WDR59: variants seen among roughly 807,000 people sequenced by gnomAD.
WDR59 encodes the protein WD repeat domain 59.
A neutral mutation model predicts 131.2 loss-of-function variants in WDR59; 100 were observed. That is an observed-to-expected ratio of 0.76 (90% CI 0.65 to 0.90). The LOEUF (loss-of-function observed/expected upper bound fraction) is 0.90, where lower values mean the gene tolerates loss of function less well. Among genes scored for constraint, WDR59 ranks in the 40% least tolerant of loss-of-function variants. WDR59 has a pLI of 0.00. For synonymous variants in WDR59, 601 were observed against 466.2 expected, an observed-to-expected ratio of 1.29 and a Z score of -3.72; for missense variants, 1,203 against 1,262.2, an observed-to-expected ratio of 0.95 and a Z score of 0.71.
intron 1 of WDR59, among the ~76,000 whole-genome samples, chr16:74,974,434 T>G (rs961309732): frequency 3.9e-5 from 6 of 152,134 alleles, no homozygotes; most frequent in African/African-American, 1.4e-4. Context: ...TACCGACCAC[T>G]ACGCTAGGTG....
intron 25 of WDR59, among the ~76,000 whole-genome samples, chr16:74,884,855 C>G (rs111288986): frequency 0.015 from 2,295 of 152,320 alleles, 42 homozygotes; most frequent in African/African-American, 0.05. Flanking sequence ...GATGGCTCCA[C>G]GGTTCCTTTA....
chr16:74,909,587 A>C lies in WDR59; in HGVS notation c.1556T>G (p.Phe519Cys). ...CCCGTAAGCCGTGGTCACCCGCGCA[A>C]ACGTCGGTAAGGGGGGAGTGACAGA... Reference protein sequence around the residue: ...PNSVTPPLPTFARVTTAYGSY... With the variant: ...PNSVTPPLPTCARVTTAYGSY... The change falls in exon 16 of 26, where the codon TTT becomes TGT. Residue 519 changes from phenylalanine (F) to cysteine (C), a missense_variant. Transcript: ENST00000262144. 6.2e-7 allele frequency: 1 copy of C among 1,610,574 alleles called. No individual in the cohort carries two copies. Among genetic ancestry groups the C allele is most frequent in the Non-Finnish European group, 8.5e-7 (1 of 1,178,724 alleles).
chr16:74,882,796 C>T (rs1403831119), intron 25 of WDR59, among the ~76,000 whole-genome samples: 1 of 80,516 alleles, frequency 1.2e-5, no homozygotes, highest in Non-Finnish European at 2.1e-5. Flanking sequence ...GGCGACAGAG[C>T]AACACTGTCT....
intron 5 of WDR59, among the ~76,000 whole-genome samples, chr16:74,949,304 C>G (rs1436469572): frequency 4.1e-5 from 5 of 122,628 alleles, no homozygotes; most frequent in African/African-American, 1.6e-4. Context: ...TCACTGCAGA[C>G]TGGGTGACAG....
chr16:74,970,495 CAAAAAAAAAAAAAAAAAAAA>C (rs746574195), intron 1 of WDR59, among the ~76,000 whole-genome samples: 3 of 33,448 alleles, frequency 9.0e-5, no homozygotes, highest in Non-Finnish European at 1.3e-4. Flanking sequence ...ACTCTGTCTC[CAAAAAAAAAAAAAAAAAAAA>C]AAAAAAAAAA....
intron 5 of WDR59, 40 bp downstream of exon 5, chr16:74,949,678 C>T (rs2032879762): frequency 6.3e-7 from 1 of 1,586,910 alleles, no homozygotes; most frequent in Non-Finnish European, 8.6e-7. Flanking sequence ...GGTCCCAAAT[C>T]ACCCCCAACC....
Position 74,909,845 on chromosome 16 carries a change from C to T in WDR59, c.1462G>A (p.Val488Ile). 3 of 1,612,624 alleles carry T rather than the reference C, an allele frequency of 1.9e-6. No homozygotes were observed. Among genetic ancestry groups the T allele is most frequent in the South Asian group, 1.1e-5 (1 of 90,984 alleles). The change falls in exon 15 of 26, where the codon GTC (valine) becomes ATC (isoleucine). Residue 488 changes from valine to isoleucine, a missense_variant. Transcript: ENST00000262144. ...SCLEPCLRQL[V>I]SCLESFVNQE... ...ACCACAAAGGACTCAAGGCAGGAGA[C>T]GAGCTGGCGCAGGCAGGGCTCCAGG...
intron 8 of WDR59, among the ~76,000 whole-genome samples, chr16:74,926,885 A>G (rs189455105): frequency 2.6e-5 from 4 of 152,324 alleles, no homozygotes; most frequent in Admixed American, 2.6e-4. Flanking sequence ...ATCCCAAGGA[A>G]ATATATAAAT....
At chr16:74,933,864 C>T (rs1448525502) in intron 8 of WDR59, among the ~76,000 whole-genome samples, 1 of 152,206 alleles carries the variant, frequency 6.6e-6, no homozygotes, top group Non-Finnish European at 1.5e-5. Context: ...GGATTACAGG[C>T]GTGAGCCACC....
At chr16:74,934,593 C>T (rs2031652038) in intron 8 of WDR59, among the ~76,000 whole-genome samples, 1 of 152,120 alleles carries the variant, frequency 6.6e-6, no homozygotes, top group Middle Eastern at 3.2e-3. Flanking sequence ...ATAATTTCTC[C>T]TTTTCATTTA....
intron 3 of WDR59, among the ~76,000 whole-genome samples, chr16:74,955,255 G>A (rs953933535): frequency 2.6e-5 from 4 of 152,150 alleles, no homozygotes; most frequent in African/African-American, 9.7e-5. Flanking sequence ...AGTGGCTGGA[G>A]ACATTTTTGA....
In WDR59 at chr16:74,936,830, A is replaced by G. The variant is rs553518687; in HGVS notation, c.651+1320T>C. Among the ~76,000 whole-genome samples the G allele has an allele frequency of 1.8e-3, 277 of 152,298 alleles. 9 individuals are homozygous for G. In the South Asian group the frequency reaches 0.054, roughly 30 times the overall value. On this transcript the variant is annotated intron_variant, in intron 8 of 25. Coordinates refer to ENST00000262144, the MANE Select transcript of WDR59 (RefSeq NM_030581.4). ...ACAAAGTGAGACCCAGTCTCAAAAA[A>G]TAAATAAATAAATAAAAACAAAAAA...
At chr16:74,893,560 T>C (rs1384562517) in intron 19 of WDR59, 119 bp downstream of exon 19, 11 of 1,073,788 alleles carry the variant, frequency 1.0e-5, no homozygotes, top group African/African-American at 9.5e-5. Flanking sequence ...AGAAAGCTAA[T>C]ACATTGGGCT....
chr16:74,952,416 T>C (rs1167612462), intron 3 of WDR59, among the ~76,000 whole-genome samples: 1 of 126,366 alleles, frequency 7.9e-6, no homozygotes, highest in Non-Finnish European at 1.6e-5. Context: ...TACTCCAGCC[T>C]GGGTGACACA....
At chr16:74,980,299 A>G (rs1476065821) in intron 1 of WDR59, among the ~76,000 whole-genome samples, 1 of 152,106 alleles carries the variant, frequency 6.6e-6, no homozygotes, top group Non-Finnish European at 1.5e-5. Context: ...CACTTTTATA[A>G]ACTATAAAAA....
rs142280348 is a variant in WDR59 at position 74,932,984 on chromosome 16, A to G, written c.651+5166T>C. Among the ~76,000 whole-genome samples the G allele has an allele frequency of 8.4e-3, 1,280 of 152,320 alleles. 16 individuals carry two copies. Among genetic ancestry groups the G allele is most frequent in the African/African-American group, 0.029 (1,218 of 41,560 alleles). On this transcript the variant is annotated intron_variant, in intron 8 of 25. Coordinates refer to ENST00000262144, the MANE Select transcript of WDR59 (RefSeq NM_030581.4). ...GAAAAATGGAATAATTTCGCCTTAT[A>G]TATTACATGTTGACAAAGCTGGCCA...
At position 74,983,846 on chromosome 16, in the gene WDR59, G is replaced by C. The variant is rs1019346978; in HGVS notation, c.54+1118C>G. Among the ~76,000 whole-genome samples the C allele has an allele frequency of 2.0e-5, 3 of 151,390 alleles. No homozygotes were observed. The South Asian group carries it at 6.3e-4, about 32-fold the overall frequency. On this transcript the variant is annotated intron_variant, in intron 1 of 25. Coordinates refer to ENST00000262144, the MANE Select transcript of WDR59 (RefSeq NM_030581.4). Reference sequence around the variant, plus strand: ...ATGAAAAATTTAGTCGGGCGTGTTGGCATGCGCCTGTAGTCTCAGCTACTG... The same window carrying C: ...ATGAAAAATTTAGTCGGGCGTGTTGCCATGCGCCTGTAGTCTCAGCTACTG...
At chr16:74,886,480 G>A in intron 23 of WDR59, 84 bp from the exon 24 acceptor site, 1 of 1,499,200 alleles carries the variant, frequency 6.7e-7, no homozygotes, top group East Asian at 2.3e-5. Context: ...ACAGCACGTG[G>A]CCAATGGATT....
intron 8 of WDR59, 131 bp downstream of exon 8, chr16:74,938,019 G>A: frequency 1.7e-6 from 1 of 586,136 alleles, no homozygotes; most frequent in Non-Finnish European, 2.8e-6. Flanking sequence ...GTGTTCAGTT[G>A]CCCAAGAAGC....
Sources: allele counts gnomAD v4.1 joint callset (sites outside exome capture counted in the v4.1 genomes callset), GRCh38; gene constraint gnomAD v4.1.1; transcripts MANE v1.5; gene names NCBI Gene and HGNC (gene_info 2026-07-23, HGNC 2026-07-21).